Variants in IFTAP observed in about 807,000 individuals in gnomAD.
The protein encoded by IFTAP is intraflagellar transport-associated protein.
IFTAP carries 19 observed loss-of-function variants against 19.4 expected under a neutral mutation model. The ratio of observed to expected loss-of-function variants is 0.98; its 90% CI spans 0.68 to 1.44. IFTAP has a LOEUF of 1.44. Among genes scored for constraint, IFTAP ranks in the 40% most tolerant of loss-of-function variants. The pLI, the probability that IFTAP is intolerant of heterozygous loss-of-function variation, is 0.00. For missense variants in IFTAP, 240 were observed against 253.6 expected (o/e 0.95, Z 0.36); for synonymous variants, 85 against 83.5 (o/e 1.02, Z -0.10).
At chr11:36,599,900 T>C (rs1851441983) in intron 1 of IFTAP, among the ~76,000 whole-genome samples, 1 of 152,250 alleles carries the variant, frequency 6.6e-6, no homozygotes. Flanking sequence ...ATGTCTTCAC[T>C]GTAAATACAA....
chr11:36,617,725 G>C (rs1208199530), intron 2 of IFTAP, among the ~76,000 whole-genome samples: 2 of 151,972 alleles, frequency 1.3e-5, no homozygotes, highest in African/African-American at 4.8e-5. Flanking sequence ...TATTTGTCTC[G>C]AGTAACTTAT....
At chr11:36,613,793 G>A (rs991881644) in intron 2 of IFTAP, among the ~76,000 whole-genome samples, 18 of 151,986 alleles carry the variant, frequency 1.2e-4, no homozygotes, top group Non-Finnish European at 1.9e-4. Context: ...TTTGGGTCAC[G>A]GTTGCATTGA....
intron 3 of IFTAP, among the ~76,000 whole-genome samples, chr11:36,634,989 C>T (rs1852880533): frequency 6.6e-6 from 1 of 152,078 alleles, no homozygotes; most frequent in African/African-American, 2.4e-5. Context: ...GACAGAATTT[C>T]AAAATTTAGT....
intron 5 of IFTAP, among the ~76,000 whole-genome samples, chr11:36,658,063 T>A (rs1259562605): frequency 1.3e-5 from 2 of 152,248 alleles, no homozygotes; most frequent in Non-Finnish European, 2.9e-5. Context: ...CTGAGCTACA[T>A]GCTACATTTT....
intron 2 of IFTAP, among the ~76,000 whole-genome samples, chr11:36,626,187 C>CA (rs1485347073): frequency 6.6e-6 from 1 of 151,158 alleles, no homozygotes; most frequent in South Asian, 2.1e-4. Flanking sequence ...CAAAAATCTG[C>CA]AAAAATATAT....
chr11:36,613,422 A>T (rs1391269093), intron 2 of IFTAP, among the ~76,000 whole-genome samples: 1 of 151,972 alleles, frequency 6.6e-6, no homozygotes, highest in Non-Finnish European at 1.5e-5. Flanking sequence ...TAATTCTGTG[A>T]GTGTCTTGTT....
intron 1 of IFTAP, among the ~76,000 whole-genome samples, chr11:36,601,083 C>G (rs561877033): frequency 2.0e-4 from 31 of 152,310 alleles, no homozygotes; most frequent in Non-Finnish European, 2.9e-4. Context: ...TCAAGCGTTT[C>G]CATCCCCATT....
chr11:36,622,204 G>T (rs2133416305), intron 2 of IFTAP, among the ~76,000 whole-genome samples: 1 of 150,782 alleles, frequency 6.6e-6, no homozygotes, highest in African/African-American at 2.4e-5. Context: ...GCCAATGTTT[G>T]AGTCCTATAT....
At chr11:36,606,244 A>G (rs1341980317) in intron 1 of IFTAP, among the ~76,000 whole-genome samples, 3 of 152,202 alleles carry the variant, frequency 2.0e-5, no homozygotes, top group African/African-American at 4.8e-5. Context: ...GGATCACCTG[A>G]GGTCAGGAGT....
chr11:36,634,626 T>C (rs1357934973), intron 3 of IFTAP, among the ~76,000 whole-genome samples: 2 of 152,142 alleles, frequency 1.3e-5, no homozygotes, highest in African/African-American at 4.8e-5. Flanking sequence ...TTTCAGATAG[T>C]GATGGATGAA....
chr11:36,640,117 A>T (rs567989682), intron 4 of IFTAP, among the ~76,000 whole-genome samples: 2 of 152,262 alleles, frequency 1.3e-5, no homozygotes, highest in East Asian at 3.9e-4. Flanking sequence ...TTGGACTGAC[A>T]TTAGCTAGAC....
intron 1 of IFTAP, among the ~76,000 whole-genome samples, chr11:36,595,499 GTTAATTC>G (rs1468161295): frequency 3.9e-5 from 6 of 152,214 alleles, no homozygotes; most frequent in African/African-American, 1.2e-4. Context: ...ACTTTTAAGA[GTTAATTC>G]TTAATATGCT....
intron 1 of IFTAP, among the ~76,000 whole-genome samples, chr11:36,606,482 T>G (rs1198159624): frequency 6.6e-6 from 1 of 150,868 alleles, no homozygotes; most frequent in Non-Finnish European, 1.5e-5. Flanking sequence ...AAACATGTCA[T>G]CTCTATATTG....
chr11:36,612,056 A>G lies in IFTAP; in HGVS notation c.136+1817A>G, dbSNP rs147531330. 7.2e-3 allele frequency among the ~76,000 whole-genome samples: 1,101 copies of G among 152,200 alleles called. 11 individuals carry two copies. The highest frequency in any genetic ancestry group is 0.025 in the African/African-American group (1,044 of 41,548). On this transcript the variant is annotated intron_variant, in intron 2 of 5. Coordinates refer to ENST00000334307, the MANE Select transcript of IFTAP (RefSeq NM_138787.4). The stretch of plus-strand genomic sequence containing the variant: ...TTATTTTTGTACCCTAGAAGAATAA[A>G]AACTTTTTGCAAGGACTTTGATATA...
intron 1 of IFTAP, among the ~76,000 whole-genome samples, chr11:36,600,135 A>G (rs1220168194): frequency 2.0e-5 from 3 of 152,260 alleles, no homozygotes; most frequent in African/African-American, 4.8e-5. Flanking sequence ...CAGTGATCTC[A>G]TACAAGGTTC....
intron 5 of IFTAP, among the ~76,000 whole-genome samples, chr11:36,651,721 A>G (rs1295629579): frequency 6.6e-6 from 1 of 152,128 alleles, no homozygotes; most frequent in Non-Finnish European, 1.5e-5. Context: ...TCTTGAATTA[A>G]TTTTTGAGTA....
intron 1 of IFTAP, among the ~76,000 whole-genome samples, chr11:36,600,492 C>T (rs1031602227): frequency 1.3e-5 from 2 of 152,196 alleles, no homozygotes; most frequent in Non-Finnish European, 2.9e-5. Context: ...TTATGAGAAT[C>T]GAATGCCTGA....
At chr11:36,597,931 G>A in intron 1 of IFTAP, among the ~76,000 whole-genome samples, 1 of 152,066 alleles carries the variant, frequency 6.6e-6, no homozygotes, top group East Asian at 1.9e-4. Context: ...GAAGCAGCCA[G>A]AGAACAGAAA....
At chr11:36,610,474 C>T (rs1851843282) in intron 2 of IFTAP, among the ~76,000 whole-genome samples, 1 of 152,090 alleles carries the variant, frequency 6.6e-6, no homozygotes, top group Non-Finnish European at 1.5e-5. Context: ...AATTTGATAA[C>T]TAAAAATGAC....
Sources: gnomAD v4.1 joint callset for allele counts (sites outside exome capture counted in the v4.1 genomes callset) on GRCh38, gnomAD v4.1.1 for gene constraint, MANE v1.5 for transcripts, NCBI Gene and HGNC (gene_info 2026-07-23, HGNC 2026-07-21) for gene names.